Variants in BLOC1S2 observed in about 807,000 individuals in gnomAD.
The protein encoded by BLOC1S2 is biogenesis of lysosomal organelles complex 1 subunit 2.
In BLOC1S2, 12 loss-of-function variants were observed where a neutral mutation model predicts 19.6. That is an observed-to-expected ratio of 0.61 (90% confidence interval 0.39 to 0.99). The LOEUF is 0.99. Ranked by LOEUF, BLOC1S2 falls within the 50% of genes least tolerant of loss-of-function variation. The pLI is 0.00. For missense variants in BLOC1S2, 142 were observed against 171.0 expected (o/e 0.83, Z 0.95); for synonymous variants, 66 against 64.1 (o/e 1.03, Z -0.14).
chr10:100,282,759 A>G, intron 2 of BLOC1S2: 1 of 393,976 alleles, frequency 2.5e-6, no homozygotes, highest in Non-Finnish European at 4.5e-6. Flanking sequence ...TGTGCGAGTA[A>G]GAATAACAAT....
chr10:100,286,571 C>G (rs1318692363), intron 1 of BLOC1S2, 34 bp downstream of exon 1: 2 of 1,611,966 alleles, frequency 1.2e-6, no homozygotes, highest in East Asian at 4.5e-5. Context: ...CCAGGCCCCC[C>G]ACCGGACGCT....
intron 2 of BLOC1S2, among the ~76,000 whole-genome samples, chr10:100,282,594 C>A (rs1009013960): frequency 2.6e-5 from 4 of 152,158 alleles, no homozygotes; most frequent in African/African-American, 4.8e-5. Context: ...CTTATCAGAC[C>A]CCCTTAACTA....
chr10:100,275,151 C>T lies in BLOC1S2; in HGVS notation c.*311G>A. On this transcript the variant is annotated 3_prime_UTR_variant, in exon 5 of 5. Transcript: ENST00000370372. Reference sequence around the variant, plus strand: ...TCAACCACTACCAGAGAAAATAGGTCCTCTCATTTGATTTTACTGGTAAGT... The same window carrying T: ...TCAACCACTACCAGAGAAAATAGGTTCTCTCATTTGATTTTACTGGTAAGT... 2.5e-6 allele frequency: 1 copy of T among 404,734 alleles called. No individual in the cohort carries two copies. 25.1% of individuals were successfully genotyped at this position (404,734 alleles called of 1,614,324 possible).
chr10:100,280,673 A>C (rs1447735273), intron 3 of BLOC1S2, among the ~76,000 whole-genome samples: 1 of 152,198 alleles, frequency 6.6e-6, no homozygotes, highest in Non-Finnish European at 1.5e-5. Context: ...AAATCAATTC[A>C]TTAGAATCTG....
Position 100,275,321 on chromosome 10 carries a change from C to G in BLOC1S2, c.*141G>C. On this transcript the variant is annotated 3_prime_UTR_variant, in exon 5 of 5. Transcript: ENST00000370372. ...AATAGCCACAGTCCTCCAGTTTACT[C>G]GAACGTTGAGATGTTCCTGTGATGA... is the stretch of plus-strand genomic sequence containing the variant. The G allele has an allele frequency of 2.4e-6, 2 of 820,934 alleles. No homozygotes were observed. The highest frequency in any genetic ancestry group is 2.4e-5 in the Admixed American group (1 of 41,560). The allele number at this position is 820,934 out of a possible 1,614,324, so 50.9% of individuals were successfully genotyped here.
At chr10:100,276,335 C>G in intron 4 of BLOC1S2, among the ~76,000 whole-genome samples, 1 of 88,524 alleles carries the variant, frequency 1.1e-5, no homozygotes, top group South Asian at 3.0e-4. Flanking sequence ...CTCTCTCTCC[C>G]GTCTCCCTCT....
intron 1 of BLOC1S2, 78 bp from the exon 2 acceptor site, chr10:100,286,291 C>A: frequency 6.5e-7 from 1 of 1,535,810 alleles, no homozygotes; most frequent in Non-Finnish European, 8.8e-7. Context: ...TCCGACATCC[C>A]TCCACTTGCC....
intron 2 of BLOC1S2, among the ~76,000 whole-genome samples, chr10:100,281,675 T>G (rs1405678349): frequency 8.9e-6 from 1 of 112,710 alleles, no homozygotes; most frequent in Non-Finnish European, 1.8e-5. Flanking sequence ...AGAGTGAGAC[T>G]CCATCTCAAA....
Position 100,286,109 on chromosome 10 carries a change from C to CT in BLOC1S2, c.159_160insA (p.Gly54ArgfsTer8). The CT allele has an allele frequency of 6.2e-7, 1 of 1,614,060 alleles. No homozygotes were observed. Among genetic ancestry groups the CT allele is most frequent in the Non-Finnish European group, 8.5e-7 (1 of 1,179,976 alleles). On this transcript the variant is annotated frameshift_variant, in exon 2 of 5. Transcript: ENST00000370372. LOFTEE classifies it high-confidence loss of function. ...GACCCCGCCTCACCCGTCAGTTCCC[C>CT]AGTCAGGTAAGTGGCCATTTTGGAG...
Position 100,274,542 on chromosome 10 carries a change from C to T in BLOC1S2, c.*920G>A, listed in dbSNP as rs1847804595. 2.5e-5 allele frequency: 4 copies of T among 157,338 alleles called. No homozygotes were observed. The highest frequency in any genetic ancestry group is 5.6e-5 in the Non-Finnish European group (4 of 71,692). 9.7% of individuals were successfully genotyped at this position (157,338 alleles called of 1,614,324 possible). A position where few individuals can be genotyped will look rare whatever the true frequency, so the allele number is the denominator to read the frequency against. The stretch of plus-strand genomic sequence containing the variant: ...GGGATATGTAATTGGGGACCTCAGA[C>T]ACCTTCCCAGCTGCTAATGTTGTGT... On this transcript the variant is annotated 3_prime_UTR_variant, in exon 5 of 5. Coordinates refer to ENST00000370372, the MANE Select transcript of BLOC1S2 (RefSeq NM_173809.5).
intron 4 of BLOC1S2, among the ~76,000 whole-genome samples, chr10:100,277,253 G>A (rs1847914286): frequency 1.3e-5 from 2 of 151,090 alleles, no homozygotes; most frequent in South Asian, 4.2e-4. Flanking sequence ...GAAGTGAGGA[G>A]CCCCTCCGCC....
intron 4 of BLOC1S2, among the ~76,000 whole-genome samples, chr10:100,277,112 G>A (rs1194081625): frequency 2.3e-4 from 34 of 149,354 alleles, no homozygotes; most frequent in Non-Finnish European, 1.2e-4. Flanking sequence ...GTCTCTGCCC[G>A]GCAGCCCACC....
intron 4 of BLOC1S2, among the ~76,000 whole-genome samples, chr10:100,277,772 G>A (rs1204101949): frequency 3.0e-4 from 37 of 122,588 alleles, no homozygotes; most frequent in Admixed American, 7.0e-4. Context: ...CTGCCTGGCC[G>A]CCCCTACTGG....
At chr10:100,278,194 G>C (rs1296692990) in intron 4 of BLOC1S2, among the ~76,000 whole-genome samples, 112 of 146,688 alleles carry the variant, frequency 7.6e-4, no homozygotes, top group Admixed American at 3.2e-3. Flanking sequence ...CAGCCGCCCC[G>C]TCCGGGAGGG....
intron 2 of BLOC1S2, 100 bp downstream of exon 2, chr10:100,285,997 G>A (rs1848224403): frequency 3.4e-6 from 5 of 1,486,730 alleles, no homozygotes; most frequent in Non-Finnish European, 4.6e-6. Context: ...CCTGTCTCAG[G>A]GCATGCAGGG....
At chr10:100,277,280 T>G (rs866476509) in intron 4 of BLOC1S2, among the ~76,000 whole-genome samples, 2,947 of 150,188 alleles carry the variant, frequency 0.02, 11 homozygotes, top group African/African-American at 0.055. Context: ...CCACCCCGTC[T>G]GGGAAGTGAG....
chr10:100,281,749 C>A (rs1358730991), intron 2 of BLOC1S2, among the ~76,000 whole-genome samples: 1 of 150,128 alleles, frequency 6.7e-6, no homozygotes, highest in Non-Finnish European at 1.5e-5. Flanking sequence ...CACACACTAT[C>A]AGCTAGGACC....
At position 100,286,400 on chromosome 10, in the gene BLOC1S2, C is replaced by CA. The variant is rs1848241491; in HGVS notation, c.56-188_56-187insT. 2.1e-6 allele frequency: 3 copies of CA among 1,457,254 alleles called. No homozygotes were observed. In the Admixed American group the frequency reaches 7.7e-5, roughly 37 times the overall value. 90.3% of individuals were successfully genotyped at this position (1,457,254 alleles called of 1,614,324 possible). ...ACACATCAACTCGCCTCCCTCGCAC[C>CA]GCCCCTCGCCCATACCCGGCACCCC... On this transcript the variant is annotated intron_variant, in intron 1 of 4. Coordinates refer to ENST00000370372, the MANE Select transcript of BLOC1S2 (RefSeq NM_173809.5).
intron 4 of BLOC1S2, among the ~76,000 whole-genome samples, chr10:100,278,038 G>T (rs11190452): frequency 9.2e-6 from 1 of 109,220 alleles, no homozygotes; most frequent in Non-Finnish European, 1.8e-5. Context: ...CCGGCCAGCC[G>T]CCCCGTCCGG....
Sources: allele counts gnomAD v4.1 joint callset (sites outside exome capture counted in the v4.1 genomes callset), GRCh38; gene constraint gnomAD v4.1.1; transcripts MANE v1.5; gene names NCBI Gene and HGNC (gene_info 2026-07-23, HGNC 2026-07-21).